Variants in CDK19 observed in about 807,000 individuals in gnomAD.
CDK19 encodes cyclin-dependent kinase 19.
Under a neutral mutation model 68.3 loss-of-function variants are expected in CDK19, and 20 were observed. The observed-to-expected ratio is 0.29, with a 90% CI of 0.21 to 0.43. The LOEUF (loss-of-function observed/expected upper bound fraction) is 0.43, where lower values mean the gene tolerates loss of function less well. Among genes scored for constraint, CDK19 ranks in the 20% least tolerant of loss-of-function variants. The pLI, the probability that CDK19 is intolerant of heterozygous loss-of-function variation, is 1.00. For missense variants in CDK19, 339 were observed against 623.5 expected (o/e 0.54, Z 4.86); for synonymous variants, 221 against 222.8 (o/e 0.99, Z 0.07).
intron 1 of CDK19, among the ~76,000 whole-genome samples, chr6:110,763,479 G>A (rs909276412): frequency 1.4e-4 from 20 of 144,842 alleles, no homozygotes; most frequent in Admixed American, 1.4e-3. Context: ...GCAGTGGTGC[G>A]ATCTCAACTC....
At chr6:110,623,845 T>C (rs1241533988) in intron 8 of CDK19, among the ~76,000 whole-genome samples, 1 of 146,532 alleles carries the variant, frequency 6.8e-6, no homozygotes, top group Admixed American at 6.9e-5. Context: ...TATATACACA[T>C]ATATACATAT....
At chr6:110,625,015 T>C (rs1778998440) in intron 8 of CDK19, among the ~76,000 whole-genome samples, 1 of 152,238 alleles carries the variant, frequency 6.6e-6, no homozygotes, top group African/African-American at 2.4e-5. Context: ...ACCACCCTGG[T>C]ATATAAGAAG....
At chr6:110,812,752 T>C (rs1783198609) in intron 1 of CDK19, among the ~76,000 whole-genome samples, 1 of 149,506 alleles carries the variant, frequency 6.7e-6, no homozygotes. Flanking sequence ...TAAACTGTAA[T>C]CTACCATGAT....
chr6:110,705,128 C>A (rs1774341205), intron 2 of CDK19, among the ~76,000 whole-genome samples: 1 of 151,620 alleles, frequency 6.6e-6, no homozygotes, highest in Non-Finnish European at 1.5e-5. Flanking sequence ...GCAGCCTCTG[C>A]CTACCAGGTT....
chr6:110,773,051 TA>T (rs202143768), intron 1 of CDK19, among the ~76,000 whole-genome samples: 7,243 of 132,552 alleles, frequency 0.055, 165 homozygotes, highest in East Asian at 0.26. Context: ...CCCCGTCTCT[TA>T]AAAAAAAAAA....
chr6:110,781,554 C>T (rs968181057), intron 1 of CDK19, among the ~76,000 whole-genome samples: 2 of 152,044 alleles, frequency 1.3e-5, no homozygotes, highest in Non-Finnish European at 2.9e-5. Flanking sequence ...AAGCAAGACC[C>T]GATTCGGGCT....
chr6:110,655,164 G>A (rs1400515878), intron 4 of CDK19, among the ~76,000 whole-genome samples: 9 of 151,864 alleles, frequency 5.9e-5, no homozygotes, highest in African/African-American at 1.5e-4. Flanking sequence ...TCAGAAGTTC[G>A]AGACCAGCTT....
chr6:110,677,248 G>A (rs1771605637), intron 2 of CDK19, among the ~76,000 whole-genome samples: 1 of 152,160 alleles, frequency 6.6e-6, no homozygotes, highest in Non-Finnish European at 1.5e-5. Flanking sequence ...CCATATAAAA[G>A]GAGCCTTGTA....
chr6:110,778,775 A>C (rs1780596218), intron 1 of CDK19, among the ~76,000 whole-genome samples: 2 of 152,182 alleles, frequency 1.3e-5, no homozygotes, highest in Admixed American at 1.3e-4. Context: ...ACGACTGGTC[A>C]ATTAGCTAGA....
chr6:110,735,453 T>C (rs1199974061), intron 2 of CDK19, among the ~76,000 whole-genome samples: 1 of 152,122 alleles, frequency 6.6e-6, no homozygotes, highest in Admixed American at 6.6e-5. Context: ...TATAGACAGA[T>C]TCCAAGGATT....
At position 110,610,506 on chromosome 6, in the gene CDK19, A is replaced by G. The variant is rs1411691576; in HGVS notation, c.*4029T>C. Reference sequence around the variant, plus strand: ...TTTTTTTTTTATATAATACATACATATCACCCCTTTGCAGTGATAGCATAG... The same window carrying G: ...TTTTTTTTTTATATAATACATACATGTCACCCCTTTGCAGTGATAGCATAG... On this transcript the variant is annotated 3_prime_UTR_variant, in exon 13 of 13. Coordinates refer to ENST00000368911, the MANE Select transcript of CDK19 (RefSeq NM_015076.5). 2.6e-5 allele frequency: 4 copies of G among 152,378 alleles called. No individual in the cohort carries two copies. The highest frequency in any genetic ancestry group is 1.5e-5 in the Non-Finnish European group (1 of 67,984). The allele number at this position is 152,378 out of a possible 1,614,324, so 9.4% of individuals were successfully genotyped here.
At chr6:110,713,742 G>A (rs1164838864) in intron 2 of CDK19, among the ~76,000 whole-genome samples, 1 of 151,846 alleles carries the variant, frequency 6.6e-6, no homozygotes, top group African/African-American at 2.4e-5. Flanking sequence ...AGAATTATAG[G>A]CTGGGCACTC....
At chr6:110,644,973 A>T (rs1423916561) in intron 4 of CDK19, among the ~76,000 whole-genome samples, 1 of 152,226 alleles carries the variant, frequency 6.6e-6, no homozygotes, top group African/African-American at 2.4e-5. Context: ...AAAAATATAT[A>T]TATGAAGCAA....
chr6:110,748,506 GA>G (rs1412575234), intron 1 of CDK19, among the ~76,000 whole-genome samples: 1 of 152,188 alleles, frequency 6.6e-6, no homozygotes, highest in Non-Finnish European at 1.5e-5. Flanking sequence ...GAGAATGAAA[GA>G]AAGTACATAT....
chr6:110,747,144 A>G (rs895005136), intron 1 of CDK19, among the ~76,000 whole-genome samples: 12 of 152,166 alleles, frequency 7.9e-5, no homozygotes, highest in Admixed American at 5.2e-4. Flanking sequence ...GTTTTTGTCA[A>G]ATATAGCGCC....
intron 1 of CDK19, among the ~76,000 whole-genome samples, chr6:110,808,661 TTAAACA>T (rs1321831738): frequency 6.6e-6 from 1 of 152,172 alleles, no homozygotes. Context: ...GACAAACCAG[TTAAACA>T]TAAACAGATG....
chr6:110,644,268 G>A (rs554789669), intron 4 of CDK19, among the ~76,000 whole-genome samples: 30 of 151,384 alleles, frequency 2.0e-4, no homozygotes, highest in African/African-American at 7.3e-4. Context: ...TTCCAGCCTG[G>A]GTGACAGAGC....
At chr6:110,663,121 C>T (rs951628700) in intron 4 of CDK19, among the ~76,000 whole-genome samples, 4 of 152,082 alleles carry the variant, frequency 2.6e-5, no homozygotes, top group Non-Finnish European at 4.4e-5. Flanking sequence ...TACTCTAACA[C>T]ATTTAATTAT....
At chr6:110,794,039 GTTT>G (rs1224705996) in intron 1 of CDK19, among the ~76,000 whole-genome samples, 1 of 151,982 alleles carries the variant, frequency 6.6e-6, no homozygotes, top group African/African-American at 2.4e-5. Flanking sequence ...GTTCTTCCCA[GTTT>G]TTTTGTTTGT....
Sources: gnomAD v4.1 joint callset for allele counts (sites outside exome capture counted in the v4.1 genomes callset) on GRCh38, gnomAD v4.1.1 for gene constraint, MANE v1.5 for transcripts, NCBI Gene and HGNC (gene_info 2026-07-23, HGNC 2026-07-21) for gene names.